Variants in TMEM131 observed in about 807,000 individuals in gnomAD.
The protein encoded by TMEM131 is 2610524E03Rik.
A neutral mutation model predicts 211.6 loss-of-function variants in TMEM131; 66 were observed. The observed-to-expected ratio is 0.31, with a 90% confidence interval of 0.26 to 0.38. The LOEUF (loss-of-function observed/expected upper bound fraction) is 0.38. Ranked by LOEUF, TMEM131 falls within the 10% of genes least tolerant of loss-of-function variation. TMEM131 has a pLI of 1.00. For synonymous variants in TMEM131, 844 were observed against 841.3 expected (o/e 1.00, Z -0.06); for missense variants, 2,036 against 2,299.3 (o/e 0.89, Z 2.34).
chr2:97,976,511 CTAAA>C (rs1469092639), intron 1 of TMEM131, among the ~76,000 whole-genome samples: 1 of 151,864 alleles, frequency 6.6e-6, no homozygotes. Flanking sequence ...CATTAAAGAC[CTAAA>C]TAAATGGTGA....
At chr2:97,908,094 C>A (rs1676146492) in intron 3 of TMEM131, among the ~76,000 whole-genome samples, 1 of 152,146 alleles carries the variant, frequency 6.6e-6, no homozygotes, top group Admixed American at 6.6e-5. Context: ...TGTCTCTTTA[C>A]AGATGTGAGA....
Position 97,760,626 on chromosome 2 carries a change from G to A in TMEM131, c.5075C>T (p.Ser1692Leu), listed in dbSNP as rs773373154. The A allele has an allele frequency of 2.2e-5, 36 of 1,612,944 alleles. No individual in the cohort carries two copies. Among genetic ancestry groups the A allele is most frequent in the Non-Finnish European group, 3.0e-5 (35 of 1,179,412 alleles). The change falls in exon 38 of 41, where the codon TCA becomes TTA. Residue 1692 changes from serine to leucine, a missense_variant. Ser to Leu is a moderately radical substitution (Grantham distance 145). Around this residue, in one of 3 missense-constraint regions of TMEM131, gnomAD observed 1,623 missense variants for 1,805.9 expected, o/e 0.90. Transcript: ENST00000186436. ...GCCATCGCTGTCAACAGGAGCGTGT[G>A]AAATGCCAAGGCTGCTGGAGAAACC... ...KTGFSSSLGI[S>L]HAPVDSDGSD...
intron 1 of TMEM131, among the ~76,000 whole-genome samples, chr2:97,978,113 A>G (rs1196518935): frequency 6.6e-6 from 1 of 152,054 alleles, no homozygotes; most frequent in African/African-American, 2.4e-5. Flanking sequence ...ATAAATAATA[A>G]TAATAAAAAA....
chr2:97,888,446 G>A (rs1675250770), intron 3 of TMEM131, among the ~76,000 whole-genome samples: 1 of 152,182 alleles, frequency 6.6e-6, no homozygotes, highest in African/African-American at 2.4e-5. Context: ...TCTGATACAT[G>A]TATGATGAAT....
intron 1 of TMEM131, among the ~76,000 whole-genome samples, chr2:97,958,704 C>T (rs192338155): frequency 6.6e-6 from 1 of 152,294 alleles, no homozygotes; most frequent in East Asian, 1.9e-4. Flanking sequence ...CTTAATTCAA[C>T]TTCAGATAAA....
intron 4 of TMEM131, among the ~76,000 whole-genome samples, chr2:97,882,165 CT>C (rs1674963258): frequency 1.3e-5 from 2 of 152,176 alleles, no homozygotes; most frequent in African/African-American, 2.4e-5. Flanking sequence ...TTAGGAACCT[CT>C]TTGTTTGTAT....
chr2:97,912,602 T>C (rs1676331527), intron 2 of TMEM131, among the ~76,000 whole-genome samples: 1 of 152,202 alleles, frequency 6.6e-6, no homozygotes, highest in African/African-American at 2.4e-5. Flanking sequence ...CACATCTCTT[T>C]AGAACAGACA....
chr2:97,994,436 T>C (rs1245702961), intron 1 of TMEM131, among the ~76,000 whole-genome samples: 2 of 152,234 alleles, frequency 1.3e-5, no homozygotes, highest in African/African-American at 4.8e-5. Flanking sequence ...TGCACTTTAA[T>C]ACTAATTTGG....
At chr2:97,902,712 T>C (rs895132511) in intron 3 of TMEM131, among the ~76,000 whole-genome samples, 1 of 152,162 alleles carries the variant, frequency 6.6e-6, no homozygotes, top group Non-Finnish European at 1.5e-5. Flanking sequence ...TGTGTGGGTG[T>C]TGCCAAAAAG....
At chr2:97,827,679 A>G (rs1326764109) in intron 11 of TMEM131, 1 of 929,484 alleles carries the variant, frequency 1.1e-6, no homozygotes, top group African/African-American at 1.7e-5. Flanking sequence ...AGAAGGAGGG[A>G]ATCCCACCTC....
chr2:97,938,015 C>T (rs917578353), intron 1 of TMEM131, among the ~76,000 whole-genome samples: 2 of 152,168 alleles, frequency 1.3e-5, no homozygotes, highest in African/African-American at 4.8e-5. Context: ...CTTACAAGAG[C>T]TCCTGAAAGA....
intron 35 of TMEM131, chr2:97,762,429 T>C (rs1205162735): frequency 2.3e-6 from 1 of 429,152 alleles, no homozygotes; most frequent in Non-Finnish European, 4.2e-6. Context: ...CCTGCTGTGT[T>C]GTGTGGCGGA....
chr2:97,794,794 G>C, intron 29 of TMEM131, 136 bp downstream of exon 29: 1 of 640,422 alleles, frequency 1.6e-6, no homozygotes, highest in Admixed American at 3.5e-5. Context: ...ACCAGTCTGT[G>C]AGATTGATAA....
Position 97,756,586 on chromosome 2 carries a change from A to AAGAC in TMEM131, c.*509_*512dup, listed in dbSNP as rs1678493950. On this transcript the variant is annotated 3_prime_UTR_variant, in exon 41 of 41. Coordinates refer to ENST00000186436, the MANE Select transcript of TMEM131 (RefSeq NM_015348.2). The stretch of plus-strand genomic sequence containing the variant: ...CATTTCTGTAATCTGCTTTTAAACC[A>AAGAC]AGACAGCCTTACTTTAAAAAAATAC... 6.6e-6 allele frequency: 1 copy of AAGAC among 152,310 alleles called. No individual in the cohort carries two copies. The highest frequency in any genetic ancestry group is 2.1e-4 in the South Asian group (1 of 4,838). The allele number at this position is 152,310 out of a possible 1,614,324, so 9.4% of individuals were successfully genotyped here.
At chr2:97,767,452 C>T (rs990112221) in intron 33 of TMEM131, among the ~76,000 whole-genome samples, 2 of 152,164 alleles carry the variant, frequency 1.3e-5, no homozygotes, top group African/African-American at 2.4e-5. Context: ...GAAGCCACAT[C>T]TCTAATGCCC....
At chr2:97,847,042 G>C (rs1018528353) in intron 5 of TMEM131, among the ~76,000 whole-genome samples, 1 of 142,574 alleles carries the variant, frequency 7.0e-6, no homozygotes, top group Non-Finnish European at 1.5e-5. Flanking sequence ...AGTTGGGTGT[G>C]ATGGCGCGTG....
At chr2:97,854,465 C>T (rs182328219) in intron 5 of TMEM131, among the ~76,000 whole-genome samples, 11 of 152,318 alleles carry the variant, frequency 7.2e-5, no homozygotes, top group Non-Finnish European at 1.3e-4. Context: ...ACCTCTTCCA[C>T]GTACCACTCT....
intron 4 of TMEM131, among the ~76,000 whole-genome samples, chr2:97,878,246 T>C (rs1399582458): frequency 6.6e-6 from 1 of 152,218 alleles, no homozygotes; most frequent in African/African-American, 2.4e-5. Context: ...TTTTACACTG[T>C]TGGTGGGCAG....
intron 2 of TMEM131, among the ~76,000 whole-genome samples, chr2:97,922,629 CA>C (rs1676792838): frequency 6.6e-6 from 1 of 151,592 alleles, no homozygotes; most frequent in Admixed American, 6.6e-5. Flanking sequence ...AAAAAAAATA[CA>C]AACTGTATGA....
Sources: allele counts gnomAD v4.1 joint callset (sites outside exome capture counted in the v4.1 genomes callset), GRCh38; gene constraint gnomAD v4.1.1; regional missense constraint gnomAD v4.1.1; transcripts MANE v1.5; gene names NCBI Gene and HGNC (gene_info 2026-07-23, HGNC 2026-07-21).